The following TMEM245 variants were observed in gnomAD, a reference collection of about 807,000 sequenced individuals.
TMEM245 encodes protein CG-2.
TMEM245 carries 69 observed loss-of-function variants against 101.2 expected under a neutral mutation model. That is an observed-to-expected ratio of 0.68 (90% CI 0.56 to 0.83). The LOEUF is 0.83. Ranked by LOEUF, TMEM245 falls within the 40% of genes least tolerant of loss-of-function variation. The pLI, the probability that TMEM245 is intolerant of heterozygous loss-of-function variation, is 0.00. For missense variants in TMEM245, 1,075 were observed against 1,092.8 expected (o/e 0.98, Z 0.23); for synonymous variants, 537 against 449.8 (o/e 1.19, Z -2.45).
chr9:109,103,939 G>C (rs181063150), intron 3 of TMEM245, among the ~76,000 whole-genome samples: 6 of 152,012 alleles, frequency 3.9e-5, no homozygotes, highest in Non-Finnish European at 7.4e-5. Flanking sequence ...ACAAATATTA[G>C]CCAGGCATGA....
intron 8 of TMEM245, among the ~76,000 whole-genome samples, chr9:109,073,861 T>TTTG (rs1554723954): frequency 6.7e-6 from 1 of 148,446 alleles, no homozygotes; most frequent in African/African-American, 2.5e-5. Context: ...TTTTTGTTTT[T>TTTG]TTTTTTTTTT....
At chr9:109,088,451 T>C (rs962272982) in intron 5 of TMEM245, among the ~76,000 whole-genome samples, 1 of 152,114 alleles carries the variant, frequency 6.6e-6, no homozygotes, top group Non-Finnish European at 1.5e-5. Flanking sequence ...ATGAAATTCC[T>C]GCTAACAAAC....
chr9:109,041,902 A>C (rs532371865), intron 14 of TMEM245, among the ~76,000 whole-genome samples: 8 of 152,212 alleles, frequency 5.3e-5, no homozygotes, highest in African/African-American at 1.9e-4. Context: ...AGGCCGAAGC[A>C]GGTGGATCGC....
At chr9:109,046,562 C>A (rs1026789685) in intron 14 of TMEM245, among the ~76,000 whole-genome samples, 1 of 152,174 alleles carries the variant, frequency 6.6e-6, no homozygotes, top group African/African-American at 2.4e-5. Context: ...CAAAGCTTCA[C>A]GAACAGACAC....
chr9:109,087,265 T>C lies in TMEM245; in HGVS notation c.1228A>G (p.Ile410Val), dbSNP rs369321391. 4.6e-5 allele frequency: 74 copies of C among 1,614,036 alleles called. 1 individual carries two copies. In the Middle Eastern group the frequency reaches 4.3e-3, roughly 94 times the overall value. Residue 410 changes from isoleucine (I) to valine (V), a missense_variant, in exon 6 of 18, where the codon ATT (isoleucine) becomes GTT (valine). Ile to Val is a conservative substitution (Grantham distance 29). Coordinates refer to ENST00000374586, the MANE Select transcript of TMEM245 (RefSeq NM_032012.4). ...CGCTCCTTCAGGAAGCTTTCTATAA[T>C]GCCCCACCACACATGGTAGCGTTTC... is the stretch of plus-strand genomic sequence containing the variant. ...LEKRYHVWWG[I>V]IESFLKERQG...
intron 3 of TMEM245, among the ~76,000 whole-genome samples, chr9:109,100,264 C>T (rs552340447): frequency 1.3e-5 from 2 of 152,190 alleles, no homozygotes; most frequent in East Asian, 3.9e-4. Flanking sequence ...ACTCAAAGAG[C>T]CTGGGGAGGG....
intron 3 of TMEM245, among the ~76,000 whole-genome samples, chr9:109,100,496 A>T (rs977021672): frequency 6.6e-6 from 1 of 151,618 alleles, no homozygotes; most frequent in African/African-American, 2.4e-5. Flanking sequence ...GCTAATTTTT[A>T]TTTTATTTTA....
intron 5 of TMEM245, among the ~76,000 whole-genome samples, chr9:109,088,654 A>G (rs1829911212): frequency 6.6e-6 from 1 of 151,912 alleles, no homozygotes; most frequent in South Asian, 2.1e-4. Flanking sequence ...CGTCTCTACT[A>G]AAAATACAAA....
At chr9:109,080,734 A>G in intron 8 of TMEM245, 105 bp downstream of exon 8, 1 of 721,690 alleles carries the variant, frequency 1.4e-6, no homozygotes, top group East Asian at 2.6e-5. Flanking sequence ...ACATACTTTT[A>G]AATCAAGTTA....
At chr9:109,100,729 T>C (rs953688113) in intron 3 of TMEM245, among the ~76,000 whole-genome samples, 4 of 152,224 alleles carry the variant, frequency 2.6e-5, no homozygotes, top group African/African-American at 9.7e-5. Context: ...TCTAGAAGTA[T>C]CTTCATCTGT....
chr9:109,108,420 TAAAAAAAAAAA>T lies in TMEM245; in HGVS notation c.697+22_697+32del. 9 of 938,464 alleles carry T rather than the reference TAAAAAAAAAAA, an allele frequency of 9.6e-6. No homozygotes were observed. The Middle Eastern group carries it at 7.2e-4, about 75-fold the overall frequency. 58.1% of individuals were successfully genotyped at this position (938,464 alleles called of 1,614,324 possible). On this transcript the variant is annotated intron_variant, in intron 2 of 17. Transcript: ENST00000374586. ...GCCTCTGCTGACCTTAGGCTAGACT[TAAAAAAAAAAA>T]AAAAAAAAAGAAGGAACCCACCTAA... is the stretch of plus-strand genomic sequence containing the variant.
At position 109,087,211 on chromosome 9, in the gene TMEM245, C is replaced by A; in HGVS notation, c.1282G>T (p.Val428Phe). 1 of 1,612,208 alleles carries A rather than the reference C, an allele frequency of 6.2e-7. No individual in the cohort carries two copies. Among genetic ancestry groups the A allele is most frequent in the South Asian group, 1.1e-5 (1 of 90,630 alleles). ...RQGALAPWPI[V>F]GLGKFLLKVD... ...TTTAACAAGAATTTTCCAAGCCCGA[C>A]AATGGGCCAAGGCGCGAGAGCTCCC... is the stretch of plus-strand genomic sequence containing the variant. The change falls in exon 6 of 18, where the codon GTC becomes TTC. Residue 428 changes from valine to phenylalanine, a missense_variant. Coordinates refer to ENST00000374586, the MANE Select transcript of TMEM245 (RefSeq NM_032012.4).
In TMEM245 at chr9:109,106,835, C is replaced by T. The variant is rs371448710; in HGVS notation, c.698-226G>A. Among the ~76,000 whole-genome samples the T allele has an allele frequency of 9.1e-4, 139 of 152,122 alleles. 3 individuals are homozygous for T. In the South Asian group the frequency reaches 0.028, roughly 31 times the overall value. ...GGCCCCTGGTCAAATGGATAGGGTA[C>T]ATGCCTGCCTACCTTTAATGGGGTT... On this transcript the variant is annotated intron_variant, in intron 2 of 17. Transcript: ENST00000374586.
chr9:109,098,163 G>T (rs555441996), intron 3 of TMEM245, among the ~76,000 whole-genome samples: 1 of 152,020 alleles, frequency 6.6e-6, no homozygotes, highest in Admixed American at 6.6e-5. Flanking sequence ...AAAATATCTT[G>T]TATCTGTAGA....
chr9:109,066,411 T>C (rs1179033139), intron 9 of TMEM245, among the ~76,000 whole-genome samples: 1 of 117,752 alleles, frequency 8.5e-6, no homozygotes, highest in Non-Finnish European at 1.6e-5. Context: ...GCCAAGATCA[T>C]ACCACTACCC....
rs753297501 is a variant in TMEM245, at chr9:109,050,339, T to A, written c.2067A>T (p.Leu689=). 6.2e-6 allele frequency: 10 copies of A among 1,613,990 alleles called. No individual in the cohort carries two copies. The highest frequency in any genetic ancestry group is 8.5e-6 in the Non-Finnish European group (10 of 1,180,020). ...PVKWVISLTP[L]SQPGPSSNII... ...TATTAGAAGAAGGACCTGGCTGAGA[T>A]AGTGGAGTCAGGCTTATCACCCACT... The change falls in exon 14 of 18, where the codon CTA becomes CTT. Residue 689 remains leucine, a synonymous_variant. Transcript: ENST00000374586.
chr9:109,025,757 T>C (rs1827773645), intron 17 of TMEM245, among the ~76,000 whole-genome samples: 1 of 152,142 alleles, frequency 6.6e-6, no homozygotes, highest in African/African-American at 2.4e-5. Flanking sequence ...TCCCTACACA[T>C]CCCATCTCCC....
Position 109,090,986 on chromosome 9 carries a change from G to T in TMEM245, c.1086C>A (p.Ala362=), listed in dbSNP as rs1263739565. 2 of 1,614,158 alleles carry T rather than the reference G, an allele frequency of 1.2e-6. No homozygotes were observed. Among genetic ancestry groups the T allele is most frequent in the Admixed American group, 1.7e-5 (1 of 60,022 alleles). ...TCAACCAGATCTGCATGACGACAAT[G>T]GCCCAAACTAGAGACACAAAGTAGA... The part of the protein sequence containing the change: ...SDIYFVSLVW[A]IVVMQIWLNL... Residue 362 remains alanine, a synonymous_variant, in exon 5 of 18, where the codon GCC becomes GCA. Transcript: ENST00000374586.
Position 109,018,903 on chromosome 9 carries a change from T to A in TMEM245, c.*1557A>T, listed in dbSNP as rs1588009213. Reference sequence around the variant, plus strand: ...GCCACACCACCGTGCCCAGCTAATTTTTTTTTTTTTTTTTTTTTTTTTGTA... The same window carrying A: ...GCCACACCACCGTGCCCAGCTAATTATTTTTTTTTTTTTTTTTTTTTTGTA... On this transcript the variant is annotated 3_prime_UTR_variant, in exon 18 of 18. Transcript: ENST00000374586. 7.2e-6 allele frequency: 1 copy of A among 138,948 alleles called. No homozygotes were observed. The highest frequency in any genetic ancestry group is 2.4e-4 in the South Asian group (1 of 4,162). 8.6% of individuals were successfully genotyped at this position (138,948 alleles called of 1,614,324 possible).
Sources: allele counts gnomAD v4.1 joint callset (sites outside exome capture counted in the v4.1 genomes callset), GRCh38; gene constraint gnomAD v4.1.1; transcripts MANE v1.5; gene names NCBI Gene and HGNC (gene_info 2026-07-23, HGNC 2026-07-21).